UNC5B: variants seen among roughly 807,000 people sequenced by gnomAD.
UNC5B encodes the protein netrin receptor UNC5B.
In UNC5B, 56 loss-of-function variants were observed where a neutral mutation model predicts 103.7. The observed-to-expected ratio is 0.54, with a 90% CI of 0.44 to 0.67. The LOEUF (loss-of-function observed/expected upper bound fraction) is 0.67. Among genes scored for constraint, UNC5B ranks in the 30% least tolerant of loss-of-function variants. The probability of loss-of-function intolerance (pLI) is 0.00; values close to 1 mark genes in which losing one functional copy is unlikely to be tolerated. For synonymous variants in UNC5B, 577 were observed against 542.0 expected (o/e 1.06, Z -0.90); for missense variants, 1,194 against 1,284.5 (o/e 0.93, Z 1.08).
intron 1 of UNC5B, among the ~76,000 whole-genome samples, chr10:71,263,855 AACAG>A (rs1205691043): frequency 3.3e-5 from 5 of 152,080 alleles, no homozygotes; most frequent in Non-Finnish European, 7.4e-5. Context: ...CCAGGGGACA[AACAG>A]ACAGACAGGG....
chr10:71,250,577 G>A (rs891925423), intron 1 of UNC5B, among the ~76,000 whole-genome samples: 13 of 152,198 alleles, frequency 8.5e-5, no homozygotes, highest in African/African-American at 2.7e-4. Flanking sequence ...CCAGGGTGTA[G>A]TGTTGAGAAA....
At chr10:71,256,226 G>T (rs2132275795) in intron 1 of UNC5B, among the ~76,000 whole-genome samples, 1 of 152,236 alleles carries the variant, frequency 6.6e-6, no homozygotes, top group South Asian at 2.1e-4. Context: ...CAGGTGAGTG[G>T]ACGAGTACCC....
intron 1 of UNC5B, among the ~76,000 whole-genome samples, chr10:71,231,660 T>C (rs1843686679): frequency 6.6e-6 from 1 of 152,048 alleles, no homozygotes; most frequent in African/African-American, 2.4e-5. Flanking sequence ...TTTTTTTTTT[T>C]AATGCACATG....
Position 71,291,664 on chromosome 10 carries a change from C to T in UNC5B, c.1527C>T (p.Gly509=). The change falls in exon 10 of 17, where the codon GGC becomes GGT. Residue 509 remains glycine, a synonymous_variant. Transcript: ENST00000335350. ...ACCTGCTGGGGGTCTTGCCGCCTGG[C>T]ACATACCCTAGCGATTTCGCCCGGG... is the stretch of plus-strand genomic sequence containing the variant. The part of the protein sequence containing the change: ...GADLLGVLPP[G]TYPSDFARDT... 1 of 1,613,820 alleles carries T rather than the reference C, an allele frequency of 6.2e-7. No individual in the cohort carries two copies. The highest frequency in any genetic ancestry group is 1.3e-5 in the African/African-American group (1 of 75,070).
intron 1 of UNC5B, among the ~76,000 whole-genome samples, chr10:71,219,887 C>T (rs901854895): frequency 3.3e-5 from 5 of 152,178 alleles, no homozygotes; most frequent in African/African-American, 1.2e-4. Flanking sequence ...AGTGCCAGAC[C>T]TTGACTGTCC....
At chr10:71,236,634 C>T (rs1043296681) in intron 1 of UNC5B, among the ~76,000 whole-genome samples, 6 of 152,158 alleles carry the variant, frequency 3.9e-5, no homozygotes, top group African/African-American at 1.4e-4. Context: ...CAGTGGCCTC[C>T]TCATTCATGG....
chr10:71,290,782 G>T, intron 8 of UNC5B, 133 bp from the exon 9 acceptor site: 2 of 1,118,312 alleles, frequency 1.8e-6, no homozygotes, highest in Non-Finnish European at 2.5e-6. Flanking sequence ...GCCTGTGTAG[G>T]CAGGGCTCAG....
intron 1 of UNC5B, among the ~76,000 whole-genome samples, chr10:71,235,155 C>G (rs1242871296): frequency 6.6e-6 from 1 of 152,240 alleles, no homozygotes; most frequent in Non-Finnish European, 1.5e-5. Flanking sequence ...AGGATCCTGT[C>G]TGGCGCCGGA....
intron 1 of UNC5B, among the ~76,000 whole-genome samples, chr10:71,257,033 G>A (rs1451646213): frequency 6.6e-6 from 1 of 152,164 alleles, no homozygotes; most frequent in Non-Finnish European, 1.5e-5. Flanking sequence ...GGCTGGGACA[G>A]CCCCAACAGC....
At chr10:71,243,089 G>A (rs1843943022) in intron 1 of UNC5B, among the ~76,000 whole-genome samples, 1 of 152,134 alleles carries the variant, frequency 6.6e-6, no homozygotes, top group African/African-American at 2.4e-5. Flanking sequence ...ACAAAAATTA[G>A]CCGGGCATGG....
At chr10:71,264,965 T>C (rs1844491763) in intron 1 of UNC5B, among the ~76,000 whole-genome samples, 1 of 90,552 alleles carries the variant, frequency 1.1e-5, no homozygotes, top group South Asian at 4.7e-4. Flanking sequence ...GAGACCCCTG[T>C]CTCTATAAAA....
intron 1 of UNC5B, among the ~76,000 whole-genome samples, chr10:71,269,119 T>G (rs1337984826): frequency 6.6e-6 from 1 of 152,184 alleles, no homozygotes; most frequent in African/African-American, 2.4e-5. Context: ...GCATGGGATA[T>G]GCAACTTACA....
intron 1 of UNC5B, among the ~76,000 whole-genome samples, chr10:71,220,738 C>T (rs1487355842): frequency 6.6e-6 from 1 of 152,218 alleles, no homozygotes; most frequent in Non-Finnish European, 1.5e-5. Context: ...CACTCAGGGC[C>T]TGTTGGCATG....
chr10:71,221,817 CTG>C (rs1323904955), intron 1 of UNC5B, among the ~76,000 whole-genome samples: 3 of 152,210 alleles, frequency 2.0e-5, no homozygotes, highest in African/African-American at 7.2e-5. Flanking sequence ...CACCATCTGG[CTG>C]TGTGTCTTAG....
At chr10:71,244,717 C>T (rs934791887) in intron 1 of UNC5B, among the ~76,000 whole-genome samples, 3 of 152,216 alleles carry the variant, frequency 2.0e-5, no homozygotes, top group African/African-American at 4.8e-5. Context: ...TGTCCGCTTC[C>T]GAGAACCCGC....
In UNC5B at chr10:71,291,009, G is replaced by A; in HGVS notation, c.1194G>A (p.Val398=). 6.2e-7 allele frequency: 1 copy of A among 1,613,986 alleles called. No individual in the cohort carries two copies. Among genetic ancestry groups the A allele is most frequent in the Non-Finnish European group, 8.5e-7 (1 of 1,179,966 alleles). ...VAILMAVGVV[V]YRRNCRDFDT... ...TCCTCATGGCGGTGGGGGTGGTGGTGTACCGCCGCAACTGCCGTGACTTCG... is the reference window on the plus strand; with the variant it reads ...TCCTCATGGCGGTGGGGGTGGTGGTATACCGCCGCAACTGCCGTGACTTCG... The change falls in exon 9 of 17, where the codon GTG becomes GTA. Residue 398 remains valine (V), a synonymous_variant. Coordinates refer to ENST00000335350, the MANE Select transcript of UNC5B (RefSeq NM_170744.5).
chr10:71,223,897 A>G (rs1426014010), intron 1 of UNC5B, among the ~76,000 whole-genome samples: 1 of 152,206 alleles, frequency 6.6e-6, no homozygotes, highest in Non-Finnish European at 1.5e-5. Context: ...AGCCCTCTAT[A>G]GCAACTGCTA....
chr10:71,272,728 C>G (rs1467450414), intron 1 of UNC5B, among the ~76,000 whole-genome samples: 1 of 152,216 alleles, frequency 6.6e-6, no homozygotes, highest in Non-Finnish European at 1.5e-5. Context: ...GGGCTCCAGG[C>G]TCTCTGAACG....
At position 71,291,635 on chromosome 10, in the gene UNC5B, G is replaced by C. The variant is rs542098916; in HGVS notation, c.1498G>C (p.Ala500Pro). 1 of 1,613,926 alleles carries C rather than the reference G, an allele frequency of 6.2e-7. No homozygotes were observed. The highest frequency in any genetic ancestry group is 1.1e-5 in the South Asian group (1 of 91,078). ...TGSGPGLADG[A>P]DLLGVLPPGT... ...CTCTGGGCCAGGCCTGGCAGATGGG[G>C]CTGACCTGCTGGGGGTCTTGCCGCC... Residue 500 changes from alanine (A) to proline (P), a missense_variant, in exon 10 of 17, where the codon GCT becomes CCT. Transcript: ENST00000335350.
Sources: allele counts gnomAD v4.1 joint callset (sites outside exome capture counted in the v4.1 genomes callset), GRCh38; gene constraint gnomAD v4.1.1; transcripts MANE v1.5; gene names NCBI Gene and HGNC (gene_info 2026-07-23, HGNC 2026-07-21).